ZNF443: variants seen among roughly 807,000 people sequenced by gnomAD.
ZNF443 encodes the protein zinc finger protein 443.
In ZNF443, 3 loss-of-function variants were observed where a neutral mutation model predicts 12.0. That is an observed-to-expected ratio of 0.25 (90% CI 0.11 to 0.64). The LOEUF is 0.64. ZNF443 is among the 30% of genes least tolerant of loss of function. ZNF443 has a pLI of 0.84. For missense variants in ZNF443, 770 were observed against 808.8 expected (o/e 0.95, Z 0.58); for synonymous variants, 225 against 265.9 (o/e 0.85, Z 1.50).
chr19:12,437,161 G>A (rs1599622494), intron 1 of ZNF443, among the ~76,000 whole-genome samples: 1 of 152,108 alleles, frequency 6.6e-6, no homozygotes, highest in Non-Finnish European at 1.5e-5. Flanking sequence ...ATGCAAGACA[G>A]GAGGATTGCT....
At chr19:12,438,516 C>A (rs1268922128) in intron 1 of ZNF443, among the ~76,000 whole-genome samples, 1 of 152,188 alleles carries the variant, frequency 6.6e-6, no homozygotes, top group Non-Finnish European at 1.5e-5. Context: ...AATCTCCACC[C>A]TTTTAAAAAG....
rs561953598 is a variant in ZNF443 at position 12,437,167 on chromosome 19, T to C, written c.3+3745A>G. 2.9e-4 allele frequency among the ~76,000 whole-genome samples: 44 copies of C among 152,120 alleles called. No individual in the cohort carries two copies. In the East Asian group the frequency reaches 4.6e-3, roughly 16 times the overall value. ...CACTTTGAGATGCAAGACAGGAGGA[T>C]TGCTTAAGATCAAGACTTTGAGCCC... On this transcript the variant is annotated intron_variant, in intron 1 of 3. Coordinates refer to ENST00000301547, the MANE Select transcript of ZNF443 (RefSeq NM_005815.5).
chr19:12,437,259 T>A (rs1970321487), intron 1 of ZNF443, among the ~76,000 whole-genome samples: 1 of 151,342 alleles, frequency 6.6e-6, no homozygotes, highest in African/African-American at 2.4e-5. Context: ...AAAAAAAAAA[T>A]TAGCCAGGTG....
rs773731466 is a variant in ZNF443, at chr19:12,431,256, C to T, written c.916G>A (p.Glu306Lys). ...CLIHERTHTG[E>K]KPYTCKQCGK... ...CATTGTTTACATGTATAGGGTTTCT[C>T]TCCAGTGTGAGTTCTTTCATGTATT... The change falls in exon 4 of 4, where the codon GAG becomes AAG. Residue 306 changes from glutamate (E) to lysine (K), a missense_variant. By Grantham distance (56) the Glu-to-Lys change is moderately conservative. Transcript: ENST00000301547. 47 of 1,614,018 alleles carry T rather than the reference C, an allele frequency of 2.9e-5. No individual in the cohort carries two copies. The South Asian group carries it at 3.5e-4, about 12-fold the overall frequency.
At chr19:12,438,306 A>T (rs1247272053) in intron 1 of ZNF443, among the ~76,000 whole-genome samples, 12 of 152,352 alleles carry the variant, frequency 7.9e-5, no homozygotes, top group Admixed American at 7.2e-4. Context: ...CTGACATTTT[A>T]TAGCTCAACA....
In ZNF443 at chr19:12,430,884, A is replaced by G. The variant is rs1298593713; in HGVS notation, c.1288T>C (p.Phe430Leu). ...PHKCKVCGKA[F>L]VYPSVFQRHE... Reference sequence around the variant, plus strand: ...CTTTGAAATACACTGGGATAAACAAAGGCTTTCCCACATACCTTGCATTTA... The same window carrying G: ...CTTTGAAATACACTGGGATAAACAAGGGCTTTCCCACATACCTTGCATTTA... The change falls in exon 4 of 4, where the codon TTT becomes CTT. Residue 430 changes from phenylalanine (F) to leucine (L), a missense_variant. Around this residue, in one of 3 missense-constraint regions of ZNF443, gnomAD observed 736 missense variants for 689.4 expected, o/e 1.07. Transcript: ENST00000301547. The G allele has an allele frequency of 1.9e-6, 3 of 1,614,134 alleles. No homozygotes were observed. Among genetic ancestry groups the G allele is most frequent in the South Asian group, 2.2e-5 (2 of 91,078 alleles).
At chr19:12,438,901 T>C (rs995689433) in intron 1 of ZNF443, among the ~76,000 whole-genome samples, 2 of 152,210 alleles carry the variant, frequency 1.3e-5, no homozygotes, top group African/African-American at 4.8e-5. Context: ...TCTCTAATCA[T>C]AGGATGTATT....
Position 12,431,038 on chromosome 19 carries a change from A to C in ZNF443, c.1134T>G (p.Ser378Arg). The C allele has an allele frequency of 2.5e-6, 4 of 1,614,098 alleles. No individual in the cohort carries two copies. The highest frequency in any genetic ancestry group is 3.4e-6 in the Non-Finnish European group (4 of 1,179,974). ...KICGKGFDCP[S>R]SLQSHERTHT... is the part of the protein sequence containing the mutation. ...GAGTTCTTTCATGACTTTGCAGTGA[A>C]CTAGGACAATCAAAGCCTTTCCCAC... The change falls in exon 4 of 4, where the codon AGT becomes AGG. Residue 378 changes from serine (S) to arginine (R), a missense_variant. Transcript: ENST00000301547.
In ZNF443 at chr19:12,440,976, G is replaced by A; in HGVS notation, c.-62C>T. 1.2e-6 allele frequency: 2 copies of A among 1,613,272 alleles called. No individual in the cohort carries two copies. Among genetic ancestry groups the A allele is most frequent in the Non-Finnish European group, 1.7e-6 (2 of 1,179,506 alleles). ...GCTCCCGCTGCCAATGCGTGTTCCA[G>A]CCAGACAAAGGCTGCCTCAGAACTT... On this transcript the variant is annotated 5_prime_UTR_variant, in exon 1 of 4. Coordinates refer to ENST00000301547, the MANE Select transcript of ZNF443 (RefSeq NM_005815.5).
chr19:12,436,947 G>A (rs999367353), intron 1 of ZNF443, among the ~76,000 whole-genome samples: 4 of 151,302 alleles, frequency 2.6e-5, no homozygotes, highest in African/African-American at 4.9e-5. Flanking sequence ...AATGGATGAC[G>A]GTGATGTTAA....
In ZNF443 at chr19:12,430,931, A is replaced by C; in HGVS notation, c.1241T>G (p.Met414Arg). Reference sequence around the variant, plus strand: ...TTTATGAGGTCCATCTCCAGTGTGCATTATCATATGACTTCGAAAGCTTGA... The same window carrying C: ...TTTATGAGGTCCATCTCCAGTGTGCCTTATCATATGACTTCGAAAGCTTGA... ...HRSSFRSHMI[M>R]HTGDGPHKCK... The change falls in exon 4 of 4, where the codon ATG becomes AGG. Residue 414 changes from methionine (M) to arginine (R), a missense_variant. By Grantham distance (91) the Met-to-Arg change is moderately conservative. This residue lies in a region of ZNF443 where 736 missense variants were observed against 689.4 expected (regional missense o/e 1.07). Coordinates refer to ENST00000301547, the MANE Select transcript of ZNF443 (RefSeq NM_005815.5). 1 of 1,613,634 alleles carries C rather than the reference A, an allele frequency of 6.2e-7. No homozygotes were observed. Among genetic ancestry groups the C allele is most frequent in the Non-Finnish European group, 8.5e-7 (1 of 1,179,902 alleles).
intron 1 of ZNF443, among the ~76,000 whole-genome samples, chr19:12,440,586 C>G (rs1469429875): frequency 3.3e-5 from 5 of 152,124 alleles, no homozygotes; most frequent in African/African-American, 9.6e-5. Context: ...TCTGCTGCAG[C>G]CCTCGGCGTC....
At chr19:12,438,455 A>G (rs1228322752) in intron 1 of ZNF443, among the ~76,000 whole-genome samples, 2 of 152,250 alleles carry the variant, frequency 1.3e-5, no homozygotes, top group Non-Finnish European at 2.9e-5. Flanking sequence ...AGAATTTAGC[A>G]TTCATCTGTC....
At position 12,430,682 on chromosome 19, in the gene ZNF443, G is replaced by C. The variant is rs760757691; in HGVS notation, c.1490C>G (p.Thr497Ser). 6 of 1,613,242 alleles carry C rather than the reference G, an allele frequency of 3.7e-6. No individual in the cohort carries two copies. The highest frequency in any genetic ancestry group is 5.1e-6 in the Non-Finnish European group (6 of 1,179,460). ...CTCATATGGCTTCTCTCCAGTGTGA[G>C]TTGTTTTGTGATTTTGAAAGGAACA... ...DFCSFQNHKT[T>S]HTGEKPYECK... Residue 497 changes from threonine to serine, a missense_variant, in exon 4 of 4, where the codon ACT (threonine) becomes AGT (serine). Thr to Ser is a moderately conservative substitution (Grantham distance 58). Coordinates refer to ENST00000301547, the MANE Select transcript of ZNF443 (RefSeq NM_005815.5).
chr19:12,432,108 G>A, intron 3 of ZNF443, 128 bp from the exon 4 acceptor site: 4 of 905,436 alleles, frequency 4.4e-6, no homozygotes, highest in Non-Finnish European at 6.4e-6. Flanking sequence ...GCTTGAATGT[G>A]AATGGATGGA....
At chr19:12,439,275 T>C (rs12981983) in intron 1 of ZNF443, among the ~76,000 whole-genome samples, 55,911 of 151,908 alleles carry the variant, frequency 0.37, 12,050 homozygotes, top group Non-Finnish European at 0.49. Context: ...TGTTCAGTCA[T>C]GTGTCTCCAA....
Position 12,431,011 on chromosome 19 carries a change from G to A in ZNF443, c.1161C>T (p.His387=), listed in dbSNP as rs147753540. 3.1e-4 allele frequency: 498 copies of A among 1,613,964 alleles called. 1 individual carries two copies. In the African/African-American group the frequency reaches 6.0e-3, roughly 20 times the overall value. Residue 387 remains histidine (H), a synonymous_variant, in exon 4 of 4, where the codon CAC becomes CAT. Coordinates refer to ENST00000301547, the MANE Select transcript of ZNF443 (RefSeq NM_005815.5). ...TGCATTCATAGGGTTTCTCTCCAGTGTGAGTTCTTTCATGACTTTGCAGTG... is the reference window on the plus strand; with the variant it reads ...TGCATTCATAGGGTTTCTCTCCAGTATGAGTTCTTTCATGACTTTGCAGTG... ...PSSLQSHERT[H]TGEKPYECKQ...
At chr19:12,433,934 G>T (rs1599621435) in intron 1 of ZNF443, among the ~76,000 whole-genome samples, 1 of 152,168 alleles carries the variant, frequency 6.6e-6, no homozygotes, top group Middle Eastern at 3.4e-3. Flanking sequence ...CATAATGGGT[G>T]AATGAATAAA....
rs1009914451 is a variant in ZNF443, at chr19:12,429,790, T to C, written c.*366A>G. On this transcript the variant is annotated 3_prime_UTR_variant, in exon 4 of 4. Transcript: ENST00000301547. ...ACAATTACTGCATCTATACTGAAAA[T>C]ACATAGACTCTTTTCCTTATCATGA... 3.3e-6 allele frequency: 1 copy of C among 306,900 alleles called. No homozygotes were observed. The allele number at this position is 306,900 out of a possible 1,614,324, so 19.0% of individuals were successfully genotyped here.
Sources: allele counts gnomAD v4.1 joint callset (sites outside exome capture counted in the v4.1 genomes callset), GRCh38; gene constraint gnomAD v4.1.1; regional missense constraint gnomAD v4.1.1; transcripts MANE v1.5; gene names NCBI Gene and HGNC (gene_info 2026-07-23, HGNC 2026-07-21).